Variants in COL2A1 observed in about 807,000 individuals in gnomAD.
COL2A1 encodes the protein collagen alpha-1(II) chain.
COL2A1 carries 28 observed loss-of-function variants against 204.5 expected under a neutral mutation model. The ratio of observed to expected loss-of-function variants is 0.14; its 90% confidence interval spans 0.10 to 0.19. The LOEUF (loss-of-function observed/expected upper bound fraction) is 0.19, where lower values mean the gene tolerates loss of function less well. COL2A1 is among the 10% of genes least tolerant of loss of function. The probability of loss-of-function intolerance (pLI) is 1.00; values close to 1 mark genes in which losing one functional copy is unlikely to be tolerated. For synonymous variants in COL2A1, 708 were observed against 718.7 expected (o/e 0.99, Z 0.24); for missense variants, 1,388 against 2,027.5 (o/e 0.68, Z 6.06).
chr12:47,982,117 T>C lies in COL2A1; in HGVS notation c.2345A>G (p.Asp782Gly), dbSNP rs776056563. Residue 782 changes from aspartate (D) to glycine (G), a missense_variant, in exon 35 of 54, where the codon GAT becomes GGT. By Grantham distance (94) the Asp-to-Gly change is moderately conservative (BLOSUM62 -1). Transcript: ENST00000380518. ...EKGPEGAPGK[D>G]GGRGLTGPIG... ...CCCGCATTCACTTACTCGTCCACCA[T>C]CCTTTCCAGGGGCTCCCTCAGGGCC... 6.2e-7 allele frequency: 1 copy of C among 1,613,934 alleles called. No homozygotes were observed. Among genetic ancestry groups the C allele is most frequent in the South Asian group, 1.1e-5 (1 of 91,076 alleles).
chr12:47,989,285 G>A lies in COL2A1; in HGVS notation c.1069-4C>T, dbSNP rs778907071. 2 of 1,612,518 alleles carry A rather than the reference G, an allele frequency of 1.2e-6. No individual in the cohort carries two copies. The highest frequency in any genetic ancestry group is 1.7e-6 in the Non-Finnish European group (2 of 1,179,658). On this transcript the variant is annotated splice_polypyrimidine_tract_variant and splice_region_variant and intron_variant, in intron 17 of 53. Coordinates refer to ENST00000380518, the MANE Select transcript of COL2A1 (RefSeq NM_001844.5). ...CACCAGCAGGACCGACAGGACCCTGGAGAGAGTAGGCGGATGAGAAGAGAG... is the reference window on the plus strand; with the variant it reads ...CACCAGCAGGACCGACAGGACCCTGAAGAGAGTAGGCGGATGAGAAGAGAG...
intron 21 of COL2A1, 86 bp from the exon 22 acceptor site, chr12:47,986,974 T>G: frequency 6.3e-7 from 1 of 1,589,832 alleles, no homozygotes; most frequent in South Asian, 1.1e-5. Context: ...TGCCCTCGGA[T>G]GGAGGCCGCT....
At position 47,980,220 on chromosome 12, in the gene COL2A1, C is replaced by G. The variant is rs1003452778; in HGVS notation, c.2626-158G>C. Among the ~76,000 whole-genome samples the G allele has an allele frequency of 1.3e-5, 2 of 152,192 alleles. No individual in the cohort carries two copies. Among genetic ancestry groups the G allele is most frequent in the Non-Finnish European group, 2.9e-5 (2 of 68,006 alleles). ...GAGGCTGCCACAGGCAGCTCTGTCCCCTCTGCCACAGGAGACTTGTGTTCT... is the reference window on the plus strand; with the variant it reads ...GAGGCTGCCACAGGCAGCTCTGTCCGCTCTGCCACAGGAGACTTGTGTTCT... On this transcript the variant is annotated intron_variant, in intron 39 of 53. Transcript: ENST00000380518. The surrounding 1 kb of genome is among the most constrained non-coding windows in gnomAD (Gnocchi z 4.5).
chr12:47,998,529 A>G (rs1940074550), intron 2 of COL2A1, 98 bp from the exon 3 acceptor site: 2 of 1,296,168 alleles, frequency 1.5e-6, no homozygotes. Context: ...CAAACAAGTA[A>G]AAGGACACAA....
intron 35 of COL2A1, 83 bp from the exon 36 acceptor site, chr12:47,981,912 C>T (rs747014876): frequency 8.4e-6 from 12 of 1,422,112 alleles, no homozygotes; most frequent in South Asian, 2.4e-5. Context: ...AACCTTGGTG[C>T]GTGCTCCCAC....
chr12:47,978,078 C>G lies in COL2A1; in HGVS notation c.3043G>C (p.Asp1015His), dbSNP rs1432686610. ...CCCACGGGGCCAGGAGGACCTCTGTCTCCAGATGCTCCAGGAGCACCCTGC... is the reference window on the plus strand; with the variant it reads ...CCCACGGGGCCAGGAGGACCTCTGTGTCCAGATGCTCCAGGAGCACCCTGC... ...GKQGAPGASGDRGPPGPVGPP... is the reference protein window; with the variant it reads ...GKQGAPGASGHRGPPGPVGPP... Residue 1015 changes from aspartate (D) to histidine (H), a missense_variant, in exon 44 of 54, where the codon GAC (aspartate) becomes CAC (histidine). This residue lies in a region of COL2A1 where 884 missense variants were observed against 1,415.8 expected (regional missense o/e 0.62). Coordinates refer to ENST00000380518, the MANE Select transcript of COL2A1 (RefSeq NM_001844.5). The surrounding 1 kb of genome is among the most constrained non-coding windows in gnomAD (Gnocchi z 5.5). 1 of 1,613,804 alleles carries G rather than the reference C, an allele frequency of 6.2e-7. No individual in the cohort carries two copies. The highest frequency in any genetic ancestry group is 2.2e-5 in the East Asian group (1 of 44,882).
Position 47,983,128 on chromosome 12 carries a change from C to T in COL2A1, c.2059G>A (p.Gly687Ser), listed in dbSNP as rs1939189846. The T allele has an allele frequency of 1.2e-6, 2 of 1,613,732 alleles. No individual in the cohort carries two copies. Among genetic ancestry groups the T allele is most frequent in the Admixed American group, 1.7e-5 (1 of 59,972 alleles). Reference protein sequence around the residue: ...GGKPGDQGVPGEAGAPGLVGP... With the variant: ...GGKPGDQGVPSEAGAPGLVGP... ...ACGAGGCCAGGGGCTCCAGCTTCACCGGGAACACCCTGGAGAACAAAGAAA... is the reference window on the plus strand; with the variant it reads ...ACGAGGCCAGGGGCTCCAGCTTCACTGGGAACACCCTGGAGAACAAAGAAA... Residue 687 changes from glycine (G) to serine (S), a missense_variant, in exon 32 of 54, where the codon GGT becomes AGT. Gly to Ser is a moderately conservative substitution (Grantham distance 56, BLOSUM62 0). Transcript: ENST00000380518.
rs1174678013 is a variant in COL2A1, at chr12:47,983,755, G to A, written c.1942-19C>T. The A allele has an allele frequency of 2.5e-6, 4 of 1,573,644 alleles. No homozygotes were observed. In the Admixed American group the frequency reaches 7.4e-5, roughly 29 times the overall value. On this transcript the variant is annotated intron_variant, in intron 29 of 53. Transcript: ENST00000380518. ...CAGGTCCCTGCAGTGGAAAAGAAAA[G>A]GTGAGCTGAGCCAGTGTTCCAGAGA...
At chr12:47,975,246 C>T in intron 51 of COL2A1, 71 bp downstream of exon 51, 1 of 1,578,114 alleles carries the variant, frequency 6.3e-7, no homozygotes, top group Non-Finnish European at 8.7e-7. Context: ...GGGGCATCTC[C>T]TCCCTTGCTG....
intron 27 of COL2A1, 86 bp from the exon 28 acceptor site, chr12:47,984,685 G>A (rs1939291608): frequency 7.9e-7 from 1 of 1,273,194 alleles, no homozygotes; most frequent in Non-Finnish European, 1.1e-6. Context: ...TGAGGCCTGG[G>A]GCCACATCCT....
In COL2A1 at chr12:47,976,180, G is replaced by T; in HGVS notation, c.3490-110C>A. On this transcript the variant is annotated intron_variant, in intron 49 of 53. Transcript: ENST00000380518. This position sits in a 1 kb window ranked among gnomAD's most constrained non-coding sequence, Gnocchi z 4.3. Reference sequence around the variant, plus strand: ...GATAGCACCAGCCACTCCGCCCCCAGTTCTTCACATGCTCAGTCATGGAAC... The same window carrying T: ...GATAGCACCAGCCACTCCGCCCCCATTTCTTCACATGCTCAGTCATGGAAC... 1.2e-6 allele frequency: 1 copy of T among 811,452 alleles called. No homozygotes were observed. Among genetic ancestry groups the T allele is most frequent in the Non-Finnish European group, 2.2e-6 (1 of 455,122 alleles). 50.3% of individuals were successfully genotyped at this position (811,452 alleles called of 1,614,324 possible).
intron 16 of COL2A1, among the ~76,000 whole-genome samples, chr12:47,992,037 G>A (rs538854611): frequency 2.0e-5 from 3 of 152,226 alleles, no homozygotes; most frequent in Non-Finnish European, 4.4e-5. Context: ...GGACCTGTGA[G>A]GAGGGGCCTC....
In COL2A1 at chr12:47,983,415, G is replaced by T. The variant is rs745807906; in HGVS notation, c.2019C>A (p.Pro673=). ...GFQGLPGPPG[P]PGEGGKPGDQ... is the part of the protein sequence containing the mutation. The stretch of plus-strand genomic sequence containing the variant: ...CACCTGGTTTTCCACCTTCACCTGG[G>T]GGACCAGGAGGGCCAGGAAGTCCCT... Residue 673 remains proline, a synonymous_variant, in exon 31 of 54, where the codon CCC becomes CCA. Coordinates refer to ENST00000380518, the MANE Select transcript of COL2A1 (RefSeq NM_001844.5). The T allele has an allele frequency of 1.2e-6, 2 of 1,614,124 alleles. No individual in the cohort carries two copies. Among genetic ancestry groups the T allele is most frequent in the South Asian group, 1.1e-5 (1 of 91,072 alleles).
At chr12:48,003,639 G>C (rs1409265698) in intron 1 of COL2A1, among the ~76,000 whole-genome samples, 2 of 152,138 alleles carry the variant, frequency 1.3e-5, no homozygotes, top group Non-Finnish European at 2.9e-5. Context: ...AAGAGGCGCT[G>C]AGGTCTCAGA....
chr12:47,983,125 C>T lies in COL2A1; in HGVS notation c.2062G>A (p.Glu688Lys). Reference sequence around the variant, plus strand: ...CCCACGAGGCCAGGGGCTCCAGCTTCACCGGGAACACCCTGGAGAACAAAG... The same window carrying T: ...CCCACGAGGCCAGGGGCTCCAGCTTTACCGGGAACACCCTGGAGAACAAAG... ...GKPGDQGVPGEAGAPGLVGPR... is the reference protein window; with the variant it reads ...GKPGDQGVPGKAGAPGLVGPR... The change falls in exon 32 of 54, where the codon GAA (glutamate) becomes AAA (lysine). Residue 688 changes from glutamate to lysine, a missense_variant. This residue lies in a region of COL2A1 where 884 missense variants were observed against 1,415.8 expected (regional missense o/e 0.62). Coordinates refer to ENST00000380518, the MANE Select transcript of COL2A1 (RefSeq NM_001844.5). 2 of 1,613,802 alleles carry T rather than the reference C, an allele frequency of 1.2e-6. No homozygotes were observed. Among genetic ancestry groups the T allele is most frequent in the South Asian group, 1.1e-5 (1 of 91,040 alleles).
chr12:47,982,280 G>A, intron 34 of COL2A1, 120 bp from the exon 35 acceptor site: 1 of 954,998 alleles, frequency 1.0e-6, no homozygotes, highest in South Asian at 1.3e-5. Flanking sequence ...GGAATTTGCT[G>A]TGGTCTCAGG....
upstream of COL2A1, among the ~76,000 whole-genome samples, chr12:48,004,868 C>T (rs888797853): frequency 6.6e-6 from 1 of 152,186 alleles, no homozygotes; most frequent in Non-Finnish European, 1.5e-5. Context: ...AGCCCTAGAC[C>T]AAGGACGGAA....
intron 30 of COL2A1, 38 bp from the exon 31 acceptor site, chr12:47,983,476 G>A: frequency 6.2e-7 from 1 of 1,603,310 alleles, no homozygotes; most frequent in Non-Finnish European, 8.5e-7. Context: ...AAAGGAGTGA[G>A]TTTGCTGCCC....
intron 51 of COL2A1, among the ~76,000 whole-genome samples, chr12:47,975,102 ATG>A (rs1474493669): frequency 6.6e-6 from 1 of 152,196 alleles, no homozygotes; most frequent in Non-Finnish European, 1.5e-5. Context: ...CAGCTGGTGG[ATG>A]GAGTCCACCC....
Sources: allele counts gnomAD v4.1 joint callset (sites outside exome capture counted in the v4.1 genomes callset), GRCh38; gene constraint gnomAD v4.1.1; regional missense constraint gnomAD v4.1.1; non-coding constraint Gnocchi (gnomAD v3.1); transcripts MANE v1.5; gene names NCBI Gene and HGNC (gene_info 2026-07-23, HGNC 2026-07-21).